Variants in DBT observed in about 807,000 individuals in gnomAD.
DBT encodes lipoamide acyltransferase component of branched-chain alpha-keto acid dehydrogenase complex, mitochondrial.
In DBT, 40 loss-of-function variants were observed where a neutral mutation model predicts 51.3. That is an observed-to-expected ratio of 0.78 (90% confidence interval 0.61 to 1.02). DBT has a LOEUF of 1.02. Ranked by LOEUF, DBT falls within the 50% of genes least tolerant of loss-of-function variation. DBT has a pLI of 0.00. For synonymous variants in DBT, 181 were observed against 190.4 expected (o/e 0.95, Z 0.41); for missense variants, 510 against 580.2 (o/e 0.88, Z 1.24).
At chr1:100,225,350 G>T (rs1474749304) in intron 4 of DBT, among the ~76,000 whole-genome samples, 2 of 151,666 alleles carry the variant, frequency 1.3e-5, no homozygotes, top group African/African-American at 2.4e-5. Flanking sequence ...GTGGGATCTG[G>T]CTTCTTTCAC....
intron 10 of DBT, among the ~76,000 whole-genome samples, chr1:100,202,180 AC>A (rs1338507464): frequency 6.6e-6 from 1 of 152,212 alleles, no homozygotes; most frequent in African/African-American, 2.4e-5. Context: ...GCAAAGACAC[AC>A]ATAGGCTCAA....
chr1:100,225,022 C>CCAAA (rs1169043481), intron 4 of DBT, among the ~76,000 whole-genome samples: 2 of 64,838 alleles, frequency 3.1e-5, no homozygotes, highest in African/African-American at 1.7e-4. Flanking sequence ...CGTCTCCCCC[C>CCAAA]AAAAAAAAAA....
At chr1:100,202,912 T>C (rs999825438) in intron 10 of DBT, among the ~76,000 whole-genome samples, 6 of 152,206 alleles carry the variant, frequency 3.9e-5, no homozygotes, top group Non-Finnish European at 8.8e-5. Flanking sequence ...CCAGAATCTC[T>C]GGAACACAGC....
At chr1:100,202,664 T>A (rs12730828) in intron 10 of DBT, among the ~76,000 whole-genome samples, 118,274 of 152,024 alleles carry the variant, frequency 0.78, 48,003 homozygotes, top group East Asian at 0.95. Flanking sequence ...TCTAAAATCG[T>A]ACACACAATT....
rs1267875330 is a variant in DBT, at chr1:100,213,709, CTT to C, written c.939+1106_939+1107del. Reference sequence around the variant, plus strand: ...CTCGGCCTTTCCTACACCCAGCTCTCTTTTTCTAATGTAAATGTTGTGTTCAA... The same window carrying C: ...CTCGGCCTTTCCTACACCCAGCTCTCTTTCTAATGTAAATGTTGTGTTCAA... On this transcript the variant is annotated intron_variant, in intron 7 of 10. Transcript: ENST00000370132. The C allele has an allele frequency of 1.9e-6, 3 of 1,588,508 alleles. No individual in the cohort carries two copies. In the African/African-American group the frequency reaches 4.1e-5, roughly 21 times the overall value.
intron 1 of DBT, among the ~76,000 whole-genome samples, chr1:100,244,012 G>GCTGTAAT (rs2100851177): frequency 7.1e-6 from 1 of 141,300 alleles, no homozygotes; most frequent in East Asian, 2.1e-4. Context: ...GTGGTTCATA[G>GCTGTAAT]CTGTAATCTC....
At chr1:100,208,058 C>T (rs1661906497) in intron 8 of DBT, among the ~76,000 whole-genome samples, 1 of 152,058 alleles carries the variant, frequency 6.6e-6, no homozygotes, top group Non-Finnish European at 1.5e-5. Context: ...TGGCATGAAC[C>T]CAGGAGGCAG....
At chr1:100,204,530 A>T (rs899852500) in intron 10 of DBT, among the ~76,000 whole-genome samples, 4 of 152,240 alleles carry the variant, frequency 2.6e-5, no homozygotes, top group Non-Finnish European at 5.9e-5. Flanking sequence ...CAAACTGCCC[A>T]AAGTAATTTA....
At position 100,225,042 on chromosome 1, in the gene DBT, A is replaced by AAAAATAT. The variant is rs59482100; in HGVS notation, c.433+5690_433+5691insATATTTT. ...CCCCCCAAAAAAAAAAAAAAAAAAA[A>AAAAATAT]ATATATATATACACACACACACACA... On this transcript the variant is annotated intron_variant, in intron 4 of 10. Transcript: ENST00000370132. Among the ~76,000 whole-genome samples the AAAAATAT allele has an allele frequency of 1.3e-4, 6 of 45,656 alleles. 1 individual carries two copies. The highest frequency in any genetic ancestry group is 4.0e-4 in the African/African-American group (6 of 14,902). 30.0% of individuals were successfully genotyped at this position (45,656 alleles called of 152,430 possible). A position where few individuals can be genotyped will look rare whatever the true frequency, so the allele number is the denominator to read the frequency against.
At chr1:100,208,382 T>G (rs1661926410) in intron 8 of DBT, among the ~76,000 whole-genome samples, 2 of 152,184 alleles carry the variant, frequency 1.3e-5, no homozygotes, top group African/African-American at 4.8e-5. Context: ...ATACTTAAAC[T>G]GTAGAGACTT....
At chr1:100,209,174 T>G (rs763585998) in intron 8 of DBT, among the ~76,000 whole-genome samples, 148 of 151,608 alleles carry the variant, frequency 9.8e-4, no homozygotes, top group Non-Finnish European at 1.7e-3. Flanking sequence ...CACAACTCAC[T>G]GCAACCTCCA....
rs894652393 is a variant in DBT, at chr1:100,190,072, G to C, written c.*6183C>G. The C allele has an allele frequency of 8.5e-5, 13 of 152,328 alleles. No individual in the cohort carries two copies. The highest frequency in any genetic ancestry group is 3.1e-4 in the African/African-American group (13 of 41,576). 9.4% of individuals were successfully genotyped at this position (152,328 alleles called of 1,614,324 possible). On this transcript the variant is annotated 3_prime_UTR_variant, in exon 11 of 11. Coordinates refer to ENST00000370132, the MANE Select transcript of DBT (RefSeq NM_001918.5). ...TGGCTAGAGGCTACTGCATTAGACA[G>C]CTCAGAGTTCGAGTTTTACTAACTA... is the stretch of plus-strand genomic sequence containing the variant.
In DBT at chr1:100,193,777, AT is replaced by A. The variant is rs1045092405; in HGVS notation, c.*2477del. On this transcript the variant is annotated 3_prime_UTR_variant, in exon 11 of 11. Coordinates refer to ENST00000370132, the MANE Select transcript of DBT (RefSeq NM_001918.5). Reference sequence around the variant, plus strand: ...GCCACCGTGCCTGGCTGATTTTTGTATTTTCAATAGAGATGAGGTTTCACCA... The same window carrying A: ...GCCACCGTGCCTGGCTGATTTTTGTATTTCAATAGAGATGAGGTTTCACCA... 1.3e-5 allele frequency: 2 copies of A among 151,772 alleles called. No individual in the cohort carries two copies. Among genetic ancestry groups the A allele is most frequent in the Non-Finnish European group, 2.9e-5 (2 of 67,988 alleles). The allele number at this position is 151,772 out of a possible 1,614,324, so 9.4% of individuals were successfully genotyped here.
intron 6 of DBT, 122 bp from the exon 7 acceptor site, chr1:100,215,105 C>G: frequency 5.7e-6 from 4 of 697,550 alleles, no homozygotes; most frequent in Non-Finnish European, 9.8e-6. Context: ...CAGTTAAACC[C>G]TTCCTCTTAC....
chr1:100,249,456 A>G (rs1664779079), intron 1 of DBT: 1 of 509,186 alleles, frequency 2.0e-6, no homozygotes, highest in Admixed American at 3.2e-5. Flanking sequence ...ATATCTCTGG[A>G]TCCACAGCGC....
At chr1:100,225,772 C>T (rs534493884) in intron 4 of DBT, among the ~76,000 whole-genome samples, 3 of 135,334 alleles carry the variant, frequency 2.2e-5, no homozygotes, top group African/African-American at 8.1e-5. Context: ...TTGCAGTGAG[C>T]TAGGATTGTG....
Position 100,187,944 on chromosome 1 carries a change from C to T in DBT, c.*8311G>A, listed in dbSNP as rs1249141796. 6.6e-6 allele frequency: 1 copy of T among 152,066 alleles called. No individual in the cohort carries two copies. Among genetic ancestry groups the T allele is most frequent in the Admixed American group, 6.5e-5 (1 of 15,270 alleles). The allele number at this position is 152,066 out of a possible 1,614,324, so 9.4% of individuals were successfully genotyped here. On this transcript the variant is annotated 3_prime_UTR_variant, in exon 11 of 11. Coordinates refer to ENST00000370132, the MANE Select transcript of DBT (RefSeq NM_001918.5). ...TCTGTTGAAACTGGAGTATACTGCACTTATATATCATTATTTCTAATATAC... is the reference window on the plus strand; with the variant it reads ...TCTGTTGAAACTGGAGTATACTGCATTTATATATCATTATTTCTAATATAC...
chr1:100,222,673 T>G (rs1472778407), intron 4 of DBT, among the ~76,000 whole-genome samples: 3 of 152,232 alleles, frequency 2.0e-5, no homozygotes, highest in African/African-American at 7.2e-5. Context: ...TACAAGTTGA[T>G]GTTAAGGGGT....
intron 1 of DBT, among the ~76,000 whole-genome samples, chr1:100,246,256 CA>C (rs1316514755): frequency 6.6e-6 from 1 of 151,196 alleles, no homozygotes; most frequent in Non-Finnish European, 1.5e-5. Flanking sequence ...GACGCCGTCT[CA>C]AAAAAAATAA....
Sources: gnomAD v4.1 joint callset for allele counts (sites outside exome capture counted in the v4.1 genomes callset) on GRCh38, gnomAD v4.1.1 for gene constraint, MANE v1.5 for transcripts, NCBI Gene and HGNC (gene_info 2026-07-23, HGNC 2026-07-21) for gene names.